The following KCNJ6 variants were observed in gnomAD, a reference collection of about 807,000 sequenced individuals.
KCNJ6 encodes the protein potassium inwardly rectifying channel subfamily J member 6.
In KCNJ6, 9 loss-of-function variants were observed where a neutral mutation model predicts 34.2. That is an observed-to-expected ratio of 0.26 (90% confidence interval 0.16 to 0.46). The LOEUF (loss-of-function observed/expected upper bound fraction) is 0.46, where lower values mean the gene tolerates loss of function less well. Among genes scored for constraint, KCNJ6 ranks in the 20% least tolerant of loss-of-function variants. KCNJ6 has a pLI of 1.00. For synonymous variants in KCNJ6, 196 were observed against 207.1 expected (o/e 0.95, Z 0.46); for missense variants, 236 against 531.3 (o/e 0.44, Z 5.46).
intron 2 of KCNJ6, among the ~76,000 whole-genome samples, chr21:37,832,802 A>C (rs9979593): frequency 0.78 from 119,023 of 151,904 alleles, 47,299 homozygotes; most frequent in East Asian, 0.97. Context: ...AAGAGAGAAC[A>C]AAGGTATTTC....
At chr21:37,681,168 G>T (rs1012053415) in intron 3 of KCNJ6, among the ~76,000 whole-genome samples, 2 of 152,192 alleles carry the variant, frequency 1.3e-5, no homozygotes, top group Non-Finnish European at 2.9e-5. Flanking sequence ...AAAAGGTTCG[G>T]TTCTCACGAC....
At chr21:37,732,928 T>C (rs1794684785) in intron 2 of KCNJ6, among the ~76,000 whole-genome samples, 1 of 152,162 alleles carries the variant, frequency 6.6e-6, no homozygotes, top group Admixed American at 6.5e-5. Context: ...CTCCACCTGG[T>C]ACCAGCAAGA....
chr21:37,893,236 C>G (rs758559634), intron 1 of KCNJ6, among the ~76,000 whole-genome samples: 1 of 151,646 alleles, frequency 6.6e-6, no homozygotes, highest in Non-Finnish European at 1.5e-5. Flanking sequence ...GAGATGGAGT[C>G]TCACGCCATC....
chr21:37,712,605 C>CT (rs2054762925), intron 3 of KCNJ6, among the ~76,000 whole-genome samples: 1 of 103,292 alleles, frequency 9.7e-6, no homozygotes, highest in Non-Finnish European at 1.9e-5. Flanking sequence ...CTCCCTCCTC[C>CT]CCTCCTCCTC....
chr21:37,817,794 C>A (rs570363462), intron 2 of KCNJ6, among the ~76,000 whole-genome samples: 15 of 152,324 alleles, frequency 9.8e-5, no homozygotes, highest in African/African-American at 2.9e-4. Flanking sequence ...GTCTCCCTGG[C>A]TCACTTGGGA....
At chr21:37,645,401 CCAAA>C (rs1239848916) in intron 3 of KCNJ6, among the ~76,000 whole-genome samples, 1 of 151,946 alleles carries the variant, frequency 6.6e-6, no homozygotes, top group Non-Finnish European at 1.5e-5. Context: ...AACAAAAAAA[CCAAA>C]CAAGCTCCTT....
chr21:37,676,706 C>T (rs1470637358), intron 3 of KCNJ6, among the ~76,000 whole-genome samples: 1 of 152,218 alleles, frequency 6.6e-6, no homozygotes, highest in Non-Finnish European at 1.5e-5. Flanking sequence ...GGACAGCAGC[C>T]ATGTCTGGAG....
chr21:37,682,403 C>T (rs1317382880), intron 3 of KCNJ6, among the ~76,000 whole-genome samples: 1 of 152,154 alleles, frequency 6.6e-6, no homozygotes, highest in Non-Finnish European at 1.5e-5. Context: ...CTATTGAAAG[C>T]ACTACAAGAA....
intron 2 of KCNJ6, among the ~76,000 whole-genome samples, chr21:37,775,618 C>T (rs2123507202): frequency 6.6e-6 from 1 of 152,284 alleles, no homozygotes; most frequent in South Asian, 2.1e-4. Flanking sequence ...ATCCTTTCCC[C>T]ATTTCCTGTT....
intron 2 of KCNJ6, among the ~76,000 whole-genome samples, chr21:37,729,793 A>T (rs1413152725): frequency 6.6e-6 from 1 of 152,248 alleles, no homozygotes; most frequent in Non-Finnish European, 1.5e-5. Context: ...TCCCCTGCCA[A>T]GACACATGCC....
chr21:37,745,072 G>GTT lies in KCNJ6; in HGVS notation c.26-29943_26-29942dup, dbSNP rs58661633. 5.5e-4 allele frequency among the ~76,000 whole-genome samples: 49 copies of GTT among 89,452 alleles called. 1 individual carries two copies. Among genetic ancestry groups the GTT allele is most frequent in the Non-Finnish European group, 8.8e-4 (42 of 47,622 alleles). 58.7% of individuals were successfully genotyped at this position (89,452 alleles called of 152,430 possible). A position where few individuals can be genotyped will look rare whatever the true frequency, so the allele number is the denominator to read the frequency against. On this transcript the variant is annotated intron_variant, in intron 2 of 3. Transcript: ENST00000609713. ...AGAAGGACTTAGCCCAACGTTGCTG[G>GTT]TTTTTTTTTTTTTTTTTTTTTTTTT...
At chr21:37,883,455 G>T (rs59547834) in intron 1 of KCNJ6, among the ~76,000 whole-genome samples, 2,565 of 152,300 alleles carry the variant, frequency 0.017, 91 homozygotes, top group African/African-American at 0.058. Context: ...TGAATGAGTT[G>T]TCACTAGCAT....
At position 37,623,765 on chromosome 21, in the gene KCNJ6, A is replaced by G. The variant is rs1008819735; in HGVS notation, c.*1394T>C. 1.3e-5 allele frequency: 2 copies of G among 152,220 alleles called. No homozygotes were observed. Among genetic ancestry groups the G allele is most frequent in the African/African-American group, 4.8e-5 (2 of 41,468 alleles). The allele number at this position is 152,220 out of a possible 1,614,324, so 9.4% of individuals were successfully genotyped here. A position where few individuals can be genotyped will look rare whatever the true frequency, so the allele number is the denominator to read the frequency against. On this transcript the variant is annotated 3_prime_UTR_variant, in exon 4 of 4. Coordinates refer to ENST00000609713, the MANE Select transcript of KCNJ6 (RefSeq NM_002240.5). ...CTCTAGAGACATTTCTTAGACAATC[A>G]TCAAGATTGTTGATCTAATCTTTGA...
chr21:37,675,911 G>C lies in KCNJ6; in HGVS notation c.946+38300C>G, dbSNP rs78920067. Reference sequence around the variant, plus strand: ...GGGTGGGGTGCGCCGACCCTGCTGCGCTTGTCAGCTTCTCTAACTGTGGCT... The same window carrying C: ...GGGTGGGGTGCGCCGACCCTGCTGCCCTTGTCAGCTTCTCTAACTGTGGCT... On this transcript the variant is annotated intron_variant, in intron 3 of 3. Coordinates refer to ENST00000609713, the MANE Select transcript of KCNJ6 (RefSeq NM_002240.5). This position sits in a 1 kb window ranked among gnomAD's most constrained non-coding sequence, Gnocchi z 4.2. Among the ~76,000 whole-genome samples the C allele has an allele frequency of 6.6e-6, 1 of 152,192 alleles. No homozygotes were observed. The highest frequency in any genetic ancestry group is 2.4e-5 in the African/African-American group (1 of 41,442).
At chr21:37,739,377 T>C (rs76895244) in intron 2 of KCNJ6, among the ~76,000 whole-genome samples, 3,010 of 152,262 alleles carry the variant, frequency 0.02, 38 homozygotes, top group South Asian at 0.042. Context: ...ATAAAATTGA[T>C]GCAAAAGGCA....
chr21:37,769,936 T>C (rs535198477), intron 2 of KCNJ6, among the ~76,000 whole-genome samples: 20 of 152,328 alleles, frequency 1.3e-4, no homozygotes, highest in African/African-American at 4.3e-4. Context: ...AGAGCCATCC[T>C]CATCAGATAA....
intron 2 of KCNJ6, among the ~76,000 whole-genome samples, chr21:37,792,582 C>T (rs2123523078): frequency 6.6e-6 from 1 of 152,278 alleles, no homozygotes; most frequent in Non-Finnish European, 1.5e-5. Context: ...TATTGAGCAA[C>T]TACTATATGC....
chr21:37,879,562 T>C (rs533645004), intron 1 of KCNJ6, among the ~76,000 whole-genome samples: 1 of 152,248 alleles, frequency 6.6e-6, no homozygotes, highest in East Asian at 1.9e-4. Context: ...CGAGATCATG[T>C]CCAGGTACAG....
At chr21:37,746,834 C>A (rs2835923) in intron 2 of KCNJ6, among the ~76,000 whole-genome samples, 2 of 152,150 alleles carry the variant, frequency 1.3e-5, no homozygotes, top group Admixed American at 6.5e-5. Flanking sequence ...GTAAATTGTC[C>A]TTTATCCACT....
Sources: allele counts gnomAD v4.1 joint callset (sites outside exome capture counted in the v4.1 genomes callset), GRCh38; gene constraint gnomAD v4.1.1; non-coding constraint Gnocchi (gnomAD v3.1); transcripts MANE v1.5; gene names NCBI Gene and HGNC (gene_info 2026-07-23, HGNC 2026-07-21).